The following ARL6IP6 variants were observed in gnomAD, a reference collection of about 807,000 sequenced individuals.
ARL6IP6 encodes ADP-ribosylation factor-like protein 6-interacting protein 6.
ARL6IP6 carries 22 observed loss-of-function variants against 21.5 expected under a neutral mutation model. The observed-to-expected ratio is 1.02, with a 90% CI of 0.73 to 1.46. The LOEUF is 1.46. Among genes scored for constraint, ARL6IP6 ranks in the 40% most tolerant of loss-of-function variants. The probability of loss-of-function intolerance (pLI) is 0.00; values close to 1 mark genes in which losing one functional copy is unlikely to be tolerated. For synonymous variants in ARL6IP6, 164 were observed against 125.3 expected, an observed-to-expected ratio of 1.31 and a Z score of -2.06; for missense variants, 388 against 299.8, an observed-to-expected ratio of 1.29 and a Z score of -2.17.
intron 2 of ARL6IP6, among the ~76,000 whole-genome samples, chr2:152,722,441 AT>A (rs1427110555): frequency 6.6e-6 from 1 of 152,202 alleles, no homozygotes; most frequent in African/African-American, 2.4e-5. Flanking sequence ...AGTTAATATC[AT>A]TTAATGGGCT....
intron 2 of ARL6IP6, among the ~76,000 whole-genome samples, chr2:152,724,109 CA>C (rs546002979): frequency 0.23 from 16,880 of 74,178 alleles, 3,070 homozygotes; most frequent in African/African-American, 0.52. Context: ...TGACTAAGGC[CA>C]AAAAAAAAAA....
chr2:152,760,976 T>G lies in ARL6IP6; in HGVS notation c.*1136T>G, dbSNP rs370980653. Reference sequence around the variant, plus strand: ...TTTCCCCTATGTTACTAAAGACTTTTAATGTTTAGAAAGTTACCTCAGTTT... The same window carrying G: ...TTTCCCCTATGTTACTAAAGACTTTGAATGTTTAGAAAGTTACCTCAGTTT... On this transcript the variant is annotated 3_prime_UTR_variant, in exon 4 of 4. Transcript: ENST00000326446. 26 of 152,202 alleles carry G rather than the reference T, an allele frequency of 1.7e-4. No homozygotes were observed. Among genetic ancestry groups the G allele is most frequent in the East Asian group, 5.8e-4 (3 of 5,202 alleles). The allele number at this position is 152,202 out of a possible 1,614,324, so 9.4% of individuals were successfully genotyped here.
intron 1 of ARL6IP6, 24 bp downstream of exon 1, chr2:152,719,048 G>C (rs759128175): frequency 3.2e-5 from 49 of 1,510,960 alleles, no homozygotes; most frequent in Non-Finnish European, 4.2e-5. Flanking sequence ...CGCCTTGAAA[G>C]TCTGTCCAGA....
At chr2:152,718,195 G>C, upstream of ARL6IP6, 1 of 522,930 alleles carries the variant, frequency 1.9e-6, no homozygotes, top group South Asian at 7.7e-5. Flanking sequence ...AGACAAATAG[G>C]TTCGGGAATG....
chr2:152,718,604 G>A (rs1420670801), upstream of ARL6IP6: 10 of 1,504,604 alleles, frequency 6.6e-6, no homozygotes, highest in Non-Finnish European at 4.4e-6. Flanking sequence ...GTTCTCCGCG[G>A]GTTTCGTTGT....
chr2:152,718,509 C>T (rs915521323), upstream of ARL6IP6: 47 of 1,424,328 alleles, frequency 3.3e-5, no homozygotes, highest in Non-Finnish European at 4.2e-5. Context: ...CCGTGGTTTA[C>T]CCCTGGGCTC....
At chr2:152,758,376 G>A (rs1054287026) in intron 3 of ARL6IP6, among the ~76,000 whole-genome samples, 6 of 151,862 alleles carry the variant, frequency 4.0e-5, no homozygotes, top group Admixed American at 6.6e-5. Flanking sequence ...AGACCGAACT[G>A]TATTAATTTA....
At chr2:152,759,296 C>T (rs1294452313) in intron 3 of ARL6IP6, among the ~76,000 whole-genome samples, 3 of 146,932 alleles carry the variant, frequency 2.0e-5, no homozygotes, top group Non-Finnish European at 4.5e-5. Flanking sequence ...CTTCATATAA[C>T]CTAAAAGTGG....
At chr2:152,730,782 A>G (rs2346550) in intron 2 of ARL6IP6, among the ~76,000 whole-genome samples, 123,863 of 152,054 alleles carry the variant, frequency 0.81, 50,589 homozygotes, top group Admixed American at 0.86. Flanking sequence ...TTTCTATGCC[A>G]GGCTTAGGGC....
At chr2:152,719,689 A>G (rs1002020873) in intron 1 of ARL6IP6, among the ~76,000 whole-genome samples, 2 of 151,560 alleles carry the variant, frequency 1.3e-5, no homozygotes, top group Admixed American at 6.6e-5. Context: ...TTATAGTGGA[A>G]AGAAGCAGAG....
At chr2:152,721,527 G>T (rs1699790191) in intron 2 of ARL6IP6, among the ~76,000 whole-genome samples, 1 of 152,180 alleles carries the variant, frequency 6.6e-6, no homozygotes, top group Non-Finnish European at 1.5e-5. Context: ...TACCTGTCCA[G>T]CATATTTTAC....
At chr2:152,725,276 T>G (rs904052472) in intron 2 of ARL6IP6, among the ~76,000 whole-genome samples, 1 of 152,244 alleles carries the variant, frequency 6.6e-6, no homozygotes, top group Non-Finnish European at 1.5e-5. Context: ...TTCTCCTATT[T>G]CATTATTTTA....
chr2:152,729,193 A>C (rs2105109667), intron 2 of ARL6IP6, among the ~76,000 whole-genome samples: 1 of 152,320 alleles, frequency 6.6e-6, no homozygotes, highest in South Asian at 2.1e-4. Flanking sequence ...AAGATGGTGA[A>C]ACCCTGTGTC....
intron 2 of ARL6IP6, among the ~76,000 whole-genome samples, 174 bp from the exon 3 acceptor site, chr2:152,734,820 T>C (rs1027984863): frequency 3.3e-5 from 5 of 152,244 alleles, no homozygotes; most frequent in Non-Finnish European, 5.9e-5. Context: ...GCTTTAGTAA[T>C]GTACACTTAT....
At chr2:152,757,054 A>C (rs1388629920) in intron 3 of ARL6IP6, among the ~76,000 whole-genome samples, 1 of 152,206 alleles carries the variant, frequency 6.6e-6, no homozygotes, top group African/African-American at 2.4e-5. Context: ...CTGCAGTAGA[A>C]AAGAACAAAC....
chr2:152,759,789 G>T lies in ARL6IP6; in HGVS notation c.630G>T (p.Ala210=), dbSNP rs774647971. The T allele has an allele frequency of 6.2e-7, 1 of 1,613,434 alleles. No homozygotes were observed. The highest frequency in any genetic ancestry group is 8.5e-7 in the Non-Finnish European group (1 of 1,179,558). The change falls in exon 4 of 4, where the codon GCG becomes GCT. Residue 210 remains alanine (A), a synonymous_variant. Transcript: ENST00000326446. ...GHSFHMGYSM[A]ILNGIVAALT... ...CTTTCCACATGGGCTATAGCATGGC[G>T]ATTTTGAATGGCATCGTAGCTGCTC... is the stretch of plus-strand genomic sequence containing the variant.
At chr2:152,753,222 G>A (rs1701420921) in intron 3 of ARL6IP6, among the ~76,000 whole-genome samples, 1 of 152,114 alleles carries the variant, frequency 6.6e-6, no homozygotes, top group Non-Finnish European at 1.5e-5. Flanking sequence ...TTGAAAATAA[G>A]CTGAATCTTG....
intron 3 of ARL6IP6, among the ~76,000 whole-genome samples, chr2:152,754,048 T>G (rs1701464518): frequency 6.6e-6 from 1 of 150,446 alleles, no homozygotes. Flanking sequence ...TGTTTTTTGT[T>G]TTTTTTTTTC....
chr2:152,743,289 G>C (rs1174659632), intron 3 of ARL6IP6, among the ~76,000 whole-genome samples: 1 of 152,164 alleles, frequency 6.6e-6, no homozygotes, highest in Admixed American at 6.5e-5. Context: ...ATCTAGGATA[G>C]AAATGTTACT....
Sources: allele counts gnomAD v4.1 joint callset (sites outside exome capture counted in the v4.1 genomes callset), GRCh38; gene constraint gnomAD v4.1.1; transcripts MANE v1.5; gene names NCBI Gene and HGNC (gene_info 2026-07-23, HGNC 2026-07-21).